ODAD2: variants seen among roughly 807,000 people sequenced by gnomAD.
ODAD2 encodes the protein outer dynein arm-docking complex subunit 2.
In ODAD2, 89 loss-of-function variants were observed where a neutral mutation model predicts 106.8. The observed-to-expected ratio is 0.83, with a 90% CI of 0.70 to 0.99. ODAD2 has a LOEUF of 0.99. ODAD2 is among the 50% of genes least tolerant of loss of function. The probability of loss-of-function intolerance (pLI) is 0.00; values close to 1 mark genes in which losing one functional copy is unlikely to be tolerated. For missense variants in ODAD2, 1,168 were observed against 1,238.5 expected, an observed-to-expected ratio of 0.94 and a Z score of 0.85; for synonymous variants, 404 against 436.2, an observed-to-expected ratio of 0.93 and a Z score of 0.92.
chr10:27,920,475 C>T (rs1405078313), intron 16 of ODAD2, among the ~76,000 whole-genome samples: 1 of 151,988 alleles, frequency 6.6e-6, no homozygotes, highest in Admixed American at 6.6e-5. Context: ...AAAAATAAAA[C>T]CCACATAATC....
chr10:27,839,032 C>A (rs922192281), intron 19 of ODAD2, among the ~76,000 whole-genome samples: 6 of 152,190 alleles, frequency 3.9e-5, no homozygotes, highest in Non-Finnish European at 7.3e-5. Context: ...GAATCCTGGA[C>A]TGTTCAATTT....
rs367713384 is a variant in ODAD2, at chr10:27,829,437, T to C, written c.3022-16812A>G. On this transcript the variant is annotated intron_variant, in intron 19 of 19. Coordinates refer to ENST00000305242, the MANE Select transcript of ODAD2 (RefSeq NM_018076.5). ...CCTTGGCCTTTCCTTCCATTTACCC[T>C]GTTGATATCAAGTGTATCTTCAGAG... 2.0e-5 allele frequency among the ~76,000 whole-genome samples: 3 copies of C among 152,222 alleles called. 1 individual carries two copies. The East Asian group carries it at 5.8e-4, about 29-fold the overall frequency.
chr10:27,894,617 C>T (rs962772449), intron 17 of ODAD2, among the ~76,000 whole-genome samples: 7 of 151,982 alleles, frequency 4.6e-5, no homozygotes, highest in African/African-American at 1.2e-4. Flanking sequence ...TGCTTTGTTG[C>T]CCAGGCTTGA....
rs571724043 is a variant in ODAD2 at position 27,918,776 on chromosome 10, A to G, written c.2496-10999T>C. On this transcript the variant is annotated intron_variant, in intron 16 of 19. Coordinates refer to ENST00000305242, the MANE Select transcript of ODAD2 (RefSeq NM_018076.5). ...CATTATTTGCAGATTATGTATTTCT[A>G]CATGTAGAAAACCCTATGGTATCTA... Among the ~76,000 whole-genome samples the G allele has an allele frequency of 5.9e-5, 9 of 151,986 alleles. No homozygotes were observed. In the South Asian group the frequency reaches 1.7e-3, roughly 28 times the overall value.
At chr10:27,820,301 T>C (rs1836499886) in intron 19 of ODAD2, among the ~76,000 whole-genome samples, 1 of 151,956 alleles carries the variant, frequency 6.6e-6, no homozygotes, top group African/African-American at 2.4e-5. Context: ...TCGCCCATCC[T>C]CCCTCAGACC....
At chr10:27,891,609 A>C (rs959396929) in intron 17 of ODAD2, among the ~76,000 whole-genome samples, 6 of 152,126 alleles carry the variant, frequency 3.9e-5, no homozygotes, top group African/African-American at 1.4e-4. Context: ...GTGATGATAC[A>C]TTAATATGAA....
At chr10:27,817,923 TA>T (rs1836266009) in intron 19 of ODAD2, among the ~76,000 whole-genome samples, 1 of 152,074 alleles carries the variant, frequency 6.6e-6, no homozygotes, top group African/African-American at 2.4e-5. Flanking sequence ...TTATGAAATT[TA>T]GACGATTTCT....
intron 16 of ODAD2, among the ~76,000 whole-genome samples, chr10:27,917,815 T>C (rs1184807481): frequency 6.6e-6 from 1 of 151,716 alleles, no homozygotes; most frequent in African/African-American, 2.4e-5. Flanking sequence ...AAGAGACTGA[T>C]GGAGAGAGAG....
At chr10:27,941,598 T>TTTG (rs910205253) in intron 12 of ODAD2, among the ~76,000 whole-genome samples, 6 of 142,424 alleles carry the variant, frequency 4.2e-5, no homozygotes, top group African/African-American at 1.6e-4. Context: ...AGCATCCAGT[T>TTTG]TTTTTTTTTT....
chr10:27,820,167 C>T (rs1358388000), intron 19 of ODAD2, among the ~76,000 whole-genome samples: 2 of 152,104 alleles, frequency 1.3e-5, no homozygotes, highest in African/African-American at 2.4e-5. Context: ...CCTGCCTTGT[C>T]GCTGGCTGAC....
intron 19 of ODAD2, among the ~76,000 whole-genome samples, chr10:27,845,940 A>ACAAAGAGAC (rs1838713475): frequency 6.6e-6 from 1 of 152,236 alleles, no homozygotes; most frequent in African/African-American, 2.4e-5. Flanking sequence ...TTAGAGACTT[A>ACAAAGAGAC]CAAAGAGACT....
At chr10:27,870,458 A>G (rs1840779337) in intron 17 of ODAD2, among the ~76,000 whole-genome samples, 1 of 151,850 alleles carries the variant, frequency 6.6e-6, no homozygotes, top group Non-Finnish European at 1.5e-5. Context: ...GCACCCATTA[A>G]CTCGTCATTT....
intron 19 of ODAD2, among the ~76,000 whole-genome samples, chr10:27,844,354 C>T (rs1838547300): frequency 6.6e-6 from 1 of 152,202 alleles, no homozygotes; most frequent in Admixed American, 6.5e-5. Flanking sequence ...GGGCAGACAT[C>T]ATTCCACCAT....
At chr10:27,958,739 T>C in intron 10 of ODAD2, 3 of 801,218 alleles carry the variant, frequency 3.7e-6, no homozygotes, top group Non-Finnish European at 3.4e-6. Flanking sequence ...ATGTGTTGTA[T>C]TTCATTTAAT....
intron 17 of ODAD2, among the ~76,000 whole-genome samples, chr10:27,866,598 A>C (rs566487037): frequency 6.6e-6 from 1 of 152,306 alleles, no homozygotes; most frequent in Admixed American, 6.5e-5. Flanking sequence ...CTTTACAAGA[A>C]ACATGGTGCC....
intron 17 of ODAD2, among the ~76,000 whole-genome samples, chr10:27,867,452 G>T (rs2133388791): frequency 6.6e-6 from 1 of 152,258 alleles, no homozygotes; most frequent in Admixed American, 6.5e-5. Context: ...ACACGGAATA[G>T]CATCATCCAA....
At chr10:27,870,550 T>C (rs1282726728) in intron 17 of ODAD2, among the ~76,000 whole-genome samples, 1 of 151,906 alleles carries the variant, frequency 6.6e-6, no homozygotes, top group African/African-American at 2.4e-5. Context: ...GTCCCCTTCC[T>C]GTGTCCAAGT....
chr10:27,853,365 T>TATAAATAAATAA lies in ODAD2; in HGVS notation c.3021+7248_3021+7259dup, dbSNP rs143299831. 6,795 of 260,606 alleles carry TATAAATAAATAA rather than the reference T, an allele frequency of 0.026. 158 individuals carry two copies. The highest frequency in any genetic ancestry group is 0.059 in the African/African-American group (2,475 of 41,986). The allele number at this position is 260,606 out of a possible 1,614,324, so 16.1% of individuals were successfully genotyped here. A position where few individuals can be genotyped will look rare whatever the true frequency, so the allele number is the denominator to read the frequency against. On this transcript the variant is annotated intron_variant, in intron 19 of 19. Coordinates refer to ENST00000305242, the MANE Select transcript of ODAD2 (RefSeq NM_018076.5). Reference sequence around the variant, plus strand: ...CCTGGCGACATGGCGAGACTCTGTCTATAAATAAATAAATAAATAAATAAA... The same window carrying TATAAATAAATAA: ...CCTGGCGACATGGCGAGACTCTGTCTATAAATAAATAAATAAATAAATAAATAAATAAATAAA...
At chr10:27,848,820 A>G (rs1839010701) in intron 19 of ODAD2, among the ~76,000 whole-genome samples, 1 of 152,250 alleles carries the variant, frequency 6.6e-6, no homozygotes, top group South Asian at 2.1e-4. Context: ...ATCACTGGCC[A>G]TCAGAGAAAT....
Sources: allele counts gnomAD v4.1 joint callset (sites outside exome capture counted in the v4.1 genomes callset), GRCh38; gene constraint gnomAD v4.1.1; transcripts MANE v1.5; gene names NCBI Gene and HGNC (gene_info 2026-07-23, HGNC 2026-07-21).